The following CLVS1 variants were observed in gnomAD, a reference collection of about 807,000 sequenced individuals.
CLVS1 encodes clavesin-1.
A neutral mutation model predicts 33.1 loss-of-function variants in CLVS1; 10 were observed. The observed-to-expected ratio is 0.30, with a 90% confidence interval of 0.19 to 0.51. CLVS1 has a LOEUF of 0.51. Among genes scored for constraint, CLVS1 ranks in the 20% least tolerant of loss-of-function variants. CLVS1 has a pLI of 0.97. For synonymous variants in CLVS1, 163 were observed against 166.1 expected (o/e 0.98, Z 0.14); for missense variants, 343 against 433.4 (o/e 0.79, Z 1.85).
At chr8:61,453,285 T>G (rs1347527350) in intron 3 of CLVS1, among the ~76,000 whole-genome samples, 2 of 152,140 alleles carry the variant, frequency 1.3e-5, no homozygotes, top group African/African-American at 2.4e-5. Context: ...TAGCTCAGAC[T>G]TTCTGGCCAT....
chr8:61,096,581 A>G (rs1040523753), intron 1 of CLVS1, among the ~76,000 whole-genome samples: 2 of 152,192 alleles, frequency 1.3e-5, no homozygotes, highest in Non-Finnish European at 2.9e-5. Flanking sequence ...GGAGAAAATA[A>G]TTTGCGAGAC....
intron 4 of CLVS1, among the ~76,000 whole-genome samples, chr8:61,457,268 T>C (rs919270146): frequency 2.0e-5 from 3 of 152,146 alleles, no homozygotes; most frequent in African/African-American, 4.8e-5. Context: ...TTATACTGTA[T>C]GTATATGTGC....
rs569193073 is a variant in CLVS1 at position 61,266,655 on chromosome 8, C to T, written c.-151-33022C>T. Among the ~76,000 whole-genome samples, 11 of 152,182 alleles carry T rather than the reference C, an allele frequency of 7.2e-5. No individual in the cohort carries two copies. The South Asian group carries it at 2.3e-3, about 32-fold the overall frequency. ...AAAGAAAAGCCCTTTTTGCATAACC[C>T]TTGAGATGATTACAGATCAGTGTTG... On this transcript the variant is annotated intron_variant, in intron 2 of 2. Transcript: ENST00000522621.
At chr8:61,172,791 C>T (rs1301468105) in intron 2 of CLVS1, among the ~76,000 whole-genome samples, 1 of 117,026 alleles carries the variant, frequency 8.5e-6, no homozygotes, top group Non-Finnish European at 2.2e-5. Context: ...TAGTACTTTC[C>T]ATCTGTGGCT....
At chr8:61,062,352 A>G (rs1387864905) in intron 1 of CLVS1, among the ~76,000 whole-genome samples, 1 of 152,248 alleles carries the variant, frequency 6.6e-6, no homozygotes, top group Non-Finnish European at 1.5e-5. Flanking sequence ...ACCCAAAGCC[A>G]GGCGTAGAGA....
chr8:61,009,962 C>T, the CLVS1 span, among the ~76,000 whole-genome samples: 2 of 152,192 alleles, frequency 1.3e-5, no homozygotes, highest in Non-Finnish European at 2.9e-5. Context: ...GGTGCATTTG[C>T]TTGATATTAT....
chr8:61,387,326 G>A (rs1814123214), intron 3 of CLVS1, among the ~76,000 whole-genome samples: 1 of 152,144 alleles, frequency 6.6e-6, no homozygotes, highest in Non-Finnish European at 1.5e-5. Context: ...GATGGTGGTT[G>A]CAGTGAGCCA....
intron 2 of CLVS1, among the ~76,000 whole-genome samples, chr8:61,369,050 G>A (rs546886883): frequency 6.9e-6 from 1 of 143,976 alleles, no homozygotes; most frequent in South Asian, 2.2e-4. Flanking sequence ...CTTCCTTTTC[G>A]CTTTTCTCTT....
chr8:61,140,304 A>G (rs1034897191), intron 2 of CLVS1, among the ~76,000 whole-genome samples: 12 of 152,274 alleles, frequency 7.9e-5, no homozygotes, highest in African/African-American at 2.9e-4. Context: ...TCAAAGCCCC[A>G]ATTTCACCCG....
intron 1 of CLVS1, among the ~76,000 whole-genome samples, chr8:61,109,218 T>C (rs1470108757): frequency 2.0e-5 from 3 of 152,126 alleles, no homozygotes; most frequent in Non-Finnish European, 4.4e-5. Context: ...ACTTCCTTTT[T>C]TTTTCATTTG....
chr8:61,012,581 G>A, the CLVS1 span, among the ~76,000 whole-genome samples: 1 of 152,184 alleles, frequency 6.6e-6, no homozygotes, highest in South Asian at 2.1e-4. Context: ...CTCAGAGGCT[G>A]ACATTTCAGC....
chr8:61,481,223 A>AT (rs1227961133), intron 5 of CLVS1, among the ~76,000 whole-genome samples: 1 of 152,056 alleles, frequency 6.6e-6, no homozygotes. Flanking sequence ...AATTTGGTGT[A>AT]TAAAAAATAA....
chr8:61,240,894 G>GTTTTTTTTTTTTTTTTTTTTTTTTTTT (rs549955338), intron 2 of CLVS1, among the ~76,000 whole-genome samples: 2 of 130,610 alleles, frequency 1.5e-5, no homozygotes, highest in African/African-American at 6.3e-5. Flanking sequence ...TTTGCTGTAG[G>GTTTTTTTTTTTTTTTTTTTTTTTTTTT]TTTTTTTTTT....
At chr8:61,348,800 T>C (rs532125918) in intron 2 of CLVS1, among the ~76,000 whole-genome samples, 2 of 152,302 alleles carry the variant, frequency 1.3e-5, no homozygotes, top group Admixed American at 1.3e-4. Flanking sequence ...ACTTTTGTAC[T>C]GTTTTTCATA....
At chr8:61,312,574 T>C (rs1341920517) in intron 2 of CLVS1, among the ~76,000 whole-genome samples, 1 of 152,180 alleles carries the variant, frequency 6.6e-6, no homozygotes, top group African/African-American at 2.4e-5. Flanking sequence ...CTGATAAGTA[T>C]CTCCAGATCT....
intron 2 of CLVS1, among the ~76,000 whole-genome samples, chr8:61,195,878 A>G (rs1408076790): frequency 6.6e-6 from 1 of 152,146 alleles, no homozygotes; most frequent in African/African-American, 2.4e-5. Context: ...AATTTCAGAC[A>G]AATCACTTTA....
intron 2 of CLVS1, among the ~76,000 whole-genome samples, chr8:61,221,200 G>A (rs1808208906): frequency 6.6e-6 from 1 of 152,104 alleles, no homozygotes; most frequent in African/African-American, 2.4e-5. Flanking sequence ...GGTTGCCCTG[G>A]CCAGCACTTC....
the CLVS1 span, among the ~76,000 whole-genome samples, chr8:61,010,952 G>A: frequency 3.9e-5 from 6 of 152,374 alleles, no homozygotes; most frequent in Admixed American, 1.3e-4. Context: ...CCCGGCACAC[G>A]TTAGGCGGAA....
chr8:61,319,063 T>A (rs1206308102), intron 2 of CLVS1, among the ~76,000 whole-genome samples: 1 of 152,220 alleles, frequency 6.6e-6, no homozygotes, highest in African/African-American at 2.4e-5. Flanking sequence ...ATTTTAAATT[T>A]TCTTCCAGAT....
Sources: allele counts gnomAD v4.1 joint callset (sites outside exome capture counted in the v4.1 genomes callset), GRCh38; gene constraint gnomAD v4.1.1; transcripts MANE v1.5; gene names NCBI Gene and HGNC (gene_info 2026-07-23, HGNC 2026-07-21).